ARHGAP24: variants seen among roughly 807,000 people sequenced by gnomAD.
ARHGAP24 encodes the protein Rho GTPase activating protein 24, also known as rho GTPase-activating protein 24.
Under a neutral mutation model 76.4 loss-of-function variants are expected in ARHGAP24, and 50 were observed. That is an observed-to-expected ratio of 0.65 (90% CI 0.52 to 0.83). ARHGAP24 has a LOEUF of 0.83. Among genes scored for constraint, ARHGAP24 ranks in the 40% least tolerant of loss-of-function variants. ARHGAP24 has a pLI of 0.00. For missense variants in ARHGAP24, 930 were observed against 914.2 expected, an observed-to-expected ratio of 1.02 and a Z score of -0.22; for synonymous variants, 345 against 323.3, an observed-to-expected ratio of 1.07 and a Z score of -0.72.
intron 3 of ARHGAP24, among the ~76,000 whole-genome samples, chr4:85,785,555 A>C (rs1318579673): frequency 6.6e-6 from 1 of 150,674 alleles, no homozygotes; most frequent in Admixed American, 6.6e-5. Context: ...TTTTCTTTTT[A>C]ACAATTACAA....
chr4:85,527,383 A>G (rs968569775), intron 1 of ARHGAP24, among the ~76,000 whole-genome samples: 1 of 152,136 alleles, frequency 6.6e-6, no homozygotes, highest in Admixed American at 6.6e-5. Flanking sequence ...GATAAATGGC[A>G]TATTTTCTAT....
At chr4:85,552,736 G>A (rs1368937662) in intron 1 of ARHGAP24, among the ~76,000 whole-genome samples, 1 of 152,028 alleles carries the variant, frequency 6.6e-6, no homozygotes, top group Admixed American at 6.5e-5. Context: ...AGGATAGTCA[G>A]GTATTATTGA....
chr4:85,826,067 C>T (rs934487889), intron 3 of ARHGAP24, among the ~76,000 whole-genome samples: 1 of 152,128 alleles, frequency 6.6e-6, no homozygotes, highest in African/African-American at 2.4e-5. Context: ...TCCCAGCTCC[C>T]AGCCCTGTGT....
At chr4:85,800,185 G>A (rs1275655430) in intron 3 of ARHGAP24, among the ~76,000 whole-genome samples, 1 of 152,172 alleles carries the variant, frequency 6.6e-6, no homozygotes, top group African/African-American at 2.4e-5. Flanking sequence ...ATAAAGCTGG[G>A]TGAAGAGTAT....
chr4:85,918,406 A>G (rs1735537369), intron 3 of ARHGAP24, among the ~76,000 whole-genome samples: 1 of 151,898 alleles, frequency 6.6e-6, no homozygotes, highest in African/African-American at 2.4e-5. Flanking sequence ...ACTATTTTTA[A>G]TATTCCTCTC....
intron 2 of ARHGAP24, among the ~76,000 whole-genome samples, chr4:85,644,329 T>C (rs1721640770): frequency 6.6e-6 from 1 of 152,054 alleles, no homozygotes; most frequent in Non-Finnish European, 1.5e-5. Context: ...ATCACATTGG[T>C]TTTAAGACTG....
chr4:85,803,135 A>G (rs1245841514), intron 3 of ARHGAP24, among the ~76,000 whole-genome samples: 1 of 152,230 alleles, frequency 6.6e-6, no homozygotes, highest in East Asian at 1.9e-4. Flanking sequence ...GTAGGAGTTC[A>G]ACATGTAGTC....
intron 3 of ARHGAP24, among the ~76,000 whole-genome samples, chr4:85,847,848 A>G (rs909374345): frequency 3.3e-5 from 5 of 152,162 alleles, no homozygotes; most frequent in African/African-American, 1.2e-4. Flanking sequence ...ACAATCACCC[A>G]TCCCCAAGTT....
intron 2 of ARHGAP24, among the ~76,000 whole-genome samples, chr4:85,596,055 A>G (rs1031817607): frequency 6.6e-6 from 1 of 151,822 alleles, no homozygotes; most frequent in Admixed American, 6.6e-5. Flanking sequence ...TTAAAAGGAA[A>G]TATTATTTTG....
At chr4:85,783,907 C>T (rs563715151) in intron 3 of ARHGAP24, among the ~76,000 whole-genome samples, 4 of 152,280 alleles carry the variant, frequency 2.6e-5, no homozygotes, top group East Asian at 1.9e-4. Flanking sequence ...CTTTTACTTG[C>T]ACCTTTGCTT....
intron 5 of ARHGAP24, among the ~76,000 whole-genome samples, chr4:85,969,681 C>T (rs1456255721): frequency 6.6e-6 from 1 of 152,004 alleles, no homozygotes; most frequent in East Asian, 1.9e-4. Context: ...CTTCATGGGG[C>T]AGATATAGCA....
intron 2 of ARHGAP24, among the ~76,000 whole-genome samples, chr4:85,586,731 C>T (rs1727877609): frequency 6.6e-6 from 1 of 151,978 alleles, no homozygotes; most frequent in African/African-American, 2.4e-5. Flanking sequence ...AACCCCATCT[C>T]TACTAAAAAT....
chr4:85,634,876 C>T (rs1319701601), intron 2 of ARHGAP24, among the ~76,000 whole-genome samples: 1 of 151,716 alleles, frequency 6.6e-6, no homozygotes, highest in East Asian at 1.9e-4. Flanking sequence ...AATTCTTTCT[C>T]ATTTCTCATT....
chr4:85,673,388 C>G (rs1243481352), intron 2 of ARHGAP24, among the ~76,000 whole-genome samples: 1 of 152,046 alleles, frequency 6.6e-6, no homozygotes, highest in Non-Finnish European at 1.5e-5. Context: ...CTTCCATACT[C>G]ACTTGACAGC....
rs746417612 is a variant in ARHGAP24 at position 85,995,438 on chromosome 4, G to A, written c.1784G>A (p.Gly595Glu). 1.9e-6 allele frequency: 3 copies of A among 1,609,416 alleles called. No homozygotes were observed. Among genetic ancestry groups the A allele is most frequent in the Admixed American group, 1.7e-5 (1 of 59,772 alleles). Residue 595 changes from glycine (G) to glutamate (E), a missense_variant, in exon 9 of 10, where the codon GGG becomes GAG. Coordinates refer to ENST00000395184, the MANE Select transcript of ARHGAP24 (RefSeq NM_001025616.3). ...GGNFEDPVLD[G>E]PPQDDLSHPR... is the part of the protein sequence containing the mutation. ...AACTTTGAGGACCCTGTTTTGGATG[G>A]GCCCCCGCAGGACGACCTTTCCCAC...
chr4:85,757,886 CT>C (rs1399564088), intron 3 of ARHGAP24, among the ~76,000 whole-genome samples: 2 of 152,126 alleles, frequency 1.3e-5, no homozygotes, highest in Non-Finnish European at 2.9e-5. Flanking sequence ...CTGTTGTTTC[CT>C]GACTTTTTAA....
intron 1 of ARHGAP24, among the ~76,000 whole-genome samples, chr4:85,531,779 A>G (rs950099868): frequency 6.6e-6 from 1 of 152,124 alleles, no homozygotes; most frequent in Non-Finnish European, 1.5e-5. Context: ...GAGCAAGTGT[A>G]CAAGATCACT....
intron 3 of ARHGAP24, among the ~76,000 whole-genome samples, chr4:85,738,281 A>G (rs1057405879): frequency 2.6e-5 from 4 of 151,932 alleles, no homozygotes; most frequent in Non-Finnish European, 4.4e-5. Context: ...AATATTGACT[A>G]TCTTTTCATG....
At chr4:85,698,794 C>T (rs1479505375) in intron 2 of ARHGAP24, among the ~76,000 whole-genome samples, 1 of 152,138 alleles carries the variant, frequency 6.6e-6, no homozygotes, top group Non-Finnish European at 1.5e-5. Flanking sequence ...GATATTTGTC[C>T]TCACCCAAAT....
Sources: allele counts gnomAD v4.1 joint callset (sites outside exome capture counted in the v4.1 genomes callset), GRCh38; gene constraint gnomAD v4.1.1; transcripts MANE v1.5; gene names NCBI Gene and HGNC (gene_info 2026-07-23, HGNC 2026-07-21).